The following VWC2L variants were observed in gnomAD, a reference collection of about 807,000 sequenced individuals.
VWC2L encodes the protein von Willebrand factor C domain containing 2 like, also known as von Willebrand factor C domain-containing protein 2-like.
In VWC2L, 10 loss-of-function variants were observed where a neutral mutation model predicts 21.6. The ratio of observed to expected loss-of-function variants is 0.46; its 90% CI spans 0.29 to 0.78. VWC2L has a LOEUF of 0.78. Ranked by LOEUF, VWC2L falls within the 30% of genes least tolerant of loss-of-function variation. The pLI is 0.10. For synonymous variants in VWC2L, 96 were observed against 94.3 expected, an observed-to-expected ratio of 1.02 and a Z score of -0.10; for missense variants, 209 against 277.1, an observed-to-expected ratio of 0.75 and a Z score of 1.74.
chr2:214,454,727 C>T (rs942710961), intron 3 of VWC2L, among the ~76,000 whole-genome samples: 19 of 150,746 alleles, frequency 1.3e-4, no homozygotes, highest in South Asian at 6.3e-4. Flanking sequence ...CCTCAGCCTC[C>T]GAGTAGCTGG....
chr2:214,450,971 C>G (rs1010428032), intron 3 of VWC2L, among the ~76,000 whole-genome samples: 2 of 152,058 alleles, frequency 1.3e-5, no homozygotes, highest in Non-Finnish European at 2.9e-5. Flanking sequence ...GAAGCTGAAG[C>G]TGAGCTAAAA....
chr2:214,449,806 AG>A (rs1355199000), intron 3 of VWC2L, among the ~76,000 whole-genome samples: 1 of 152,224 alleles, frequency 6.6e-6, no homozygotes. Flanking sequence ...ACAAGGTGAT[AG>A]AAAAGAGCAG....
intron 3 of VWC2L, among the ~76,000 whole-genome samples, chr2:214,497,363 T>C (rs1233375140): frequency 2.0e-5 from 3 of 152,192 alleles, no homozygotes; most frequent in Non-Finnish European, 4.4e-5. Context: ...AAGCTTTCTG[T>C]TTGTAAATGT....
intron 3 of VWC2L, among the ~76,000 whole-genome samples, chr2:214,461,450 T>A (rs1703139001): frequency 6.6e-6 from 1 of 151,968 alleles, no homozygotes; most frequent in Admixed American, 6.6e-5. Context: ...CACAACCAGG[T>A]GAGTGTTGGC....
intron 3 of VWC2L, among the ~76,000 whole-genome samples, chr2:214,485,278 G>A (rs1332115116): frequency 2.0e-5 from 3 of 151,992 alleles, no homozygotes; most frequent in African/African-American, 7.2e-5. Context: ...CTGTATTCCA[G>A]CCTAGGTGAC....
chr2:214,539,409 G>A (rs1166444122), intron 3 of VWC2L, among the ~76,000 whole-genome samples: 1 of 152,142 alleles, frequency 6.6e-6, no homozygotes, highest in Non-Finnish European at 1.5e-5. Context: ...TTAGTTGACT[G>A]TCAGTATAGT....
intron 3 of VWC2L, among the ~76,000 whole-genome samples, chr2:214,501,953 C>T (rs1034832632): frequency 1.5e-4 from 23 of 152,174 alleles, no homozygotes; most frequent in Admixed American, 5.2e-4. Flanking sequence ...GACTCACCTG[C>T]TGACTGCAGC....
At chr2:214,442,496 A>G (rs773561595) in intron 3 of VWC2L, among the ~76,000 whole-genome samples, 3 of 152,178 alleles carry the variant, frequency 2.0e-5, no homozygotes, top group Non-Finnish European at 4.4e-5. Flanking sequence ...TGCATGTTGC[A>G]TTGATAAAAG....
At chr2:214,540,395 G>A (rs1461558335) in intron 3 of VWC2L, among the ~76,000 whole-genome samples, 8 of 152,112 alleles carry the variant, frequency 5.3e-5, no homozygotes, top group Non-Finnish European at 1.2e-4. Flanking sequence ...AGCAAATTCC[G>A]AAGCAAGAAC....
At chr2:214,544,266 G>A (rs1223549486) in intron 3 of VWC2L, among the ~76,000 whole-genome samples, 1 of 152,258 alleles carries the variant, frequency 6.6e-6, no homozygotes, top group East Asian at 1.9e-4. Flanking sequence ...ATAGATTAGA[G>A]AGCCCTGTTG....
At chr2:214,438,039 G>A (rs932276695) in intron 3 of VWC2L, among the ~76,000 whole-genome samples, 2 of 151,798 alleles carry the variant, frequency 1.3e-5, no homozygotes, top group South Asian at 2.1e-4. Context: ...AAGAAATAAC[G>A]CTCCTGAAGT....
rs528916252 is a variant in VWC2L, at chr2:214,420,164, T to C, written c.390+5581T>C. Among the ~76,000 whole-genome samples, 4 of 152,322 alleles carry C rather than the reference T, an allele frequency of 2.6e-5. No homozygotes were observed. The South Asian group carries it at 8.3e-4, about 32-fold the overall frequency. On this transcript the variant is annotated intron_variant, in intron 2 of 3. Coordinates refer to ENST00000312504, the MANE Select transcript of VWC2L (RefSeq NM_001080500.4). ...GATTTAGAATTGATTTGCCCTTTAA[T>C]GGGTATATTCACACAGAGACAAAAA... is the stretch of plus-strand genomic sequence containing the variant.
At chr2:214,505,640 T>C (rs1688957104) in intron 3 of VWC2L, among the ~76,000 whole-genome samples, 1 of 152,184 alleles carries the variant, frequency 6.6e-6, no homozygotes, top group Non-Finnish European at 1.5e-5. Flanking sequence ...TTCATTGGCA[T>C]TGAGTTACCA....
At chr2:214,480,106 A>G in intron 3 of VWC2L, among the ~76,000 whole-genome samples, 1 of 152,212 alleles carries the variant, frequency 6.6e-6, no homozygotes, top group Admixed American at 6.5e-5. Flanking sequence ...TGAGTAGGCT[A>G]TATGCAAATA....
At chr2:214,426,113 A>G (rs557838276) in intron 2 of VWC2L, among the ~76,000 whole-genome samples, 2 of 142,654 alleles carry the variant, frequency 1.4e-5, no homozygotes, top group South Asian at 4.7e-4. Context: ...TGGAAGTTTC[A>G]GTGAGCCGAG....
chr2:214,488,490 T>C (rs538314899), intron 3 of VWC2L, among the ~76,000 whole-genome samples: 148 of 152,224 alleles, frequency 9.7e-4, no homozygotes, highest in African/African-American at 3.4e-3. Flanking sequence ...TTCCAGCTAC[T>C]TGGGGGGCTG....
intron 3 of VWC2L, among the ~76,000 whole-genome samples, chr2:214,550,815 T>C (rs1276005067): frequency 6.6e-6 from 1 of 152,232 alleles, no homozygotes; most frequent in Admixed American, 6.5e-5. Flanking sequence ...GAGCGCACGT[T>C]CAGAAATGTT....
chr2:214,565,570 C>T (rs1690050160), intron 3 of VWC2L, among the ~76,000 whole-genome samples: 2 of 152,190 alleles, frequency 1.3e-5, no homozygotes, highest in Admixed American at 1.3e-4. Flanking sequence ...GCTATATGCC[C>T]TCTCACTGTG....
At chr2:214,551,235 T>A (rs537783883) in intron 3 of VWC2L, among the ~76,000 whole-genome samples, 1 of 152,228 alleles carries the variant, frequency 6.6e-6, no homozygotes, top group Non-Finnish European at 1.5e-5. Context: ...GTATAAATTC[T>A]GTAAATAGGA....
Sources: gnomAD v4.1 joint callset for allele counts (sites outside exome capture counted in the v4.1 genomes callset) on GRCh38, gnomAD v4.1.1 for gene constraint, MANE v1.5 for transcripts, NCBI Gene and HGNC (gene_info 2026-07-23, HGNC 2026-07-21) for gene names.